Variants in CAMKMT observed in about 807,000 individuals in gnomAD.
CAMKMT encodes the protein CaM KMT.
In CAMKMT, 53 loss-of-function variants were observed where a neutral mutation model predicts 48.0. That is an observed-to-expected ratio of 1.10 (90% confidence interval 0.89 to 1.39). The LOEUF is 1.39. Among genes scored for constraint, CAMKMT ranks in the 40% most tolerant of loss-of-function variants. The pLI is 0.00. For synonymous variants in CAMKMT, 165 were observed against 152.3 expected (o/e 1.08, Z -0.61); for missense variants, 428 against 402.7 (o/e 1.06, Z -0.54).
chr2:44,581,876 G>A lies in CAMKMT; in HGVS notation c.377-122407G>A, dbSNP rs1486000186. On this transcript the variant is annotated intron_variant, in intron 3 of 10. Transcript: ENST00000378494. The stretch of plus-strand genomic sequence containing the variant: ...TAGCCAGGCGTGGTGCCGCGCGCCT[G>A]TAGTCCCAGCTATTTGGGAGGCTGA... 3.3e-4 allele frequency among the ~76,000 whole-genome samples: 50 copies of A among 152,218 alleles called. 1 individual carries two copies. Among genetic ancestry groups the A allele is most frequent in the Admixed American group, 3.3e-3 (50 of 15,284 alleles).
intron 3 of CAMKMT, among the ~76,000 whole-genome samples, chr2:44,533,242 ATT>A (rs546325795): frequency 6.9e-6 from 1 of 145,280 alleles, no homozygotes. Context: ...TTAATAACAG[ATT>A]TTTTTTTTTT....
intron 3 of CAMKMT, among the ~76,000 whole-genome samples, chr2:44,506,891 A>G (rs546472317): frequency 1.1e-4 from 16 of 152,248 alleles, no homozygotes; most frequent in African/African-American, 2.6e-4. Context: ...TATGCTGATC[A>G]AAAAATCTTC....
intron 3 of CAMKMT, among the ~76,000 whole-genome samples, chr2:44,654,081 A>G (rs12712920): frequency 0.54 from 81,412 of 152,018 alleles, 23,006 homozygotes; most frequent in Middle Eastern, 0.66. Flanking sequence ...GCTGTAAATT[A>G]CCAGAGAAAG....
intron 3 of CAMKMT, among the ~76,000 whole-genome samples, chr2:44,554,848 C>A (rs1231764664): frequency 6.6e-6 from 1 of 152,074 alleles, no homozygotes; most frequent in Non-Finnish European, 1.5e-5. Flanking sequence ...GCACTCCGGC[C>A]CGAGTGACAG....
intron 3 of CAMKMT, among the ~76,000 whole-genome samples, chr2:44,615,851 A>C (rs1397741766): frequency 1.3e-5 from 2 of 152,198 alleles, no homozygotes; most frequent in Non-Finnish European, 2.9e-5. Flanking sequence ...CCAACTGTGC[A>C]GTTAGGGAAG....
At chr2:44,583,979 C>T (rs1002789290) in intron 3 of CAMKMT, among the ~76,000 whole-genome samples, 5 of 152,152 alleles carry the variant, frequency 3.3e-5, no homozygotes, top group African/African-American at 1.2e-4. Flanking sequence ...TACATACCCA[C>T]ACATCCCCTC....
At chr2:44,443,786 A>G (rs1666816002) in intron 3 of CAMKMT, among the ~76,000 whole-genome samples, 1 of 152,206 alleles carries the variant, frequency 6.6e-6, no homozygotes, top group Admixed American at 6.5e-5. Context: ...TGAAAATGTT[A>G]TGTTGTGCAG....
intron 3 of CAMKMT, among the ~76,000 whole-genome samples, chr2:44,675,081 G>GGGC (rs1675599074): frequency 2.8e-5 from 4 of 145,180 alleles, no homozygotes; most frequent in African/African-American, 1.0e-4. Context: ...AACCTTAAGG[G>GGGC]GGGGAAAAAA....
At chr2:44,430,064 T>TC (rs1187349789) in intron 3 of CAMKMT, among the ~76,000 whole-genome samples, 1 of 152,022 alleles carries the variant, frequency 6.6e-6, no homozygotes, top group Non-Finnish European at 1.5e-5. Flanking sequence ...CTTGATACTT[T>TC]CAATGGGCTT....
chr2:44,668,813 A>C (rs1484121368), intron 3 of CAMKMT, among the ~76,000 whole-genome samples: 1 of 150,604 alleles, frequency 6.6e-6, no homozygotes, highest in Non-Finnish European at 1.5e-5. Flanking sequence ...ACAGAGTCTC[A>C]CTCTGATGCC....
chr2:44,537,877 C>T (rs1215329905), intron 3 of CAMKMT, among the ~76,000 whole-genome samples: 1 of 152,146 alleles, frequency 6.6e-6, no homozygotes, highest in Non-Finnish European at 1.5e-5. Flanking sequence ...AGTACAACCT[C>T]TATGGAAAAC....
At chr2:44,588,648 T>TGG (rs1670061167) in intron 3 of CAMKMT, among the ~76,000 whole-genome samples, 1 of 24,846 alleles carries the variant, frequency 4.0e-5, no homozygotes, top group Non-Finnish European at 7.8e-5. Context: ...GGGAGGGAGG[T>TGG]GGGGGGTCAG....
intron 3 of CAMKMT, among the ~76,000 whole-genome samples, chr2:44,573,576 G>GT (rs1230441691): frequency 2.0e-5 from 3 of 152,018 alleles, no homozygotes; most frequent in Middle Eastern, 3.4e-3. Flanking sequence ...GTCATATATA[G>GT]TTTTCATTTT....
In CAMKMT at chr2:44,366,718, G is replaced by GTTA. The variant is rs71393267; in HGVS notation, c.138+4591_138+4593dup. On this transcript the variant is annotated intron_variant, in intron 1 of 10. Coordinates refer to ENST00000378494, the MANE Select transcript of CAMKMT (RefSeq NM_024766.5). ...AGACTCAAAATAAATAGCAGCTATT[G>GTTA]TTATTATTATTATTATTATTTGAGA... 9.3e-4 allele frequency among the ~76,000 whole-genome samples: 140 copies of GTTA among 150,182 alleles called. 1 individual carries two copies. The highest frequency in any genetic ancestry group is 6.9e-3 in the Middle Eastern group (2 of 290).
At chr2:44,390,172 C>A in intron 2 of CAMKMT, 69 bp from the exon 3 acceptor site, 1 of 1,175,460 alleles carries the variant, frequency 8.5e-7, no homozygotes, top group South Asian at 1.3e-5. Context: ...GTCTCAGTCT[C>A]AGCTTTTTTG....
chr2:44,692,128 TG>T (rs1676688018), intron 3 of CAMKMT, among the ~76,000 whole-genome samples: 1 of 152,228 alleles, frequency 6.6e-6, no homozygotes, highest in South Asian at 2.1e-4. Context: ...GTTTTGATTT[TG>T]TGGGTTATCA....
chr2:44,630,828 A>G (rs1475726300), intron 3 of CAMKMT, among the ~76,000 whole-genome samples: 1 of 151,714 alleles, frequency 6.6e-6, no homozygotes, highest in African/African-American at 2.4e-5. Context: ...CCATTTGGGA[A>G]GTCAGTGTGG....
At chr2:44,378,143 T>C (rs1402463842) in intron 2 of CAMKMT, among the ~76,000 whole-genome samples, 1 of 152,240 alleles carries the variant, frequency 6.6e-6, no homozygotes, top group Non-Finnish European at 1.5e-5. Flanking sequence ...CTTTAAAATA[T>C]GATCCGTAGT....
intron 3 of CAMKMT, among the ~76,000 whole-genome samples, chr2:44,453,706 G>C (rs1223662348): frequency 1.3e-5 from 2 of 152,048 alleles, no homozygotes; most frequent in Non-Finnish European, 2.9e-5. Context: ...GAGAGGGGCA[G>C]ATGTTACTGT....
Sources: allele counts gnomAD v4.1 joint callset (sites outside exome capture counted in the v4.1 genomes callset), GRCh38; gene constraint gnomAD v4.1.1; transcripts MANE v1.5; gene names NCBI Gene and HGNC (gene_info 2026-07-23, HGNC 2026-07-21).